The following MYOM3 variants were observed in gnomAD, a reference collection of about 807,000 sequenced individuals.
MYOM3 encodes the protein myomesin-3.
Under a neutral mutation model 191.7 loss-of-function variants are expected in MYOM3, and 155 were observed. That is an observed-to-expected ratio of 0.81 (90% CI 0.71 to 0.92). The LOEUF is 0.92. Among genes scored for constraint, MYOM3 ranks in the 40% least tolerant of loss-of-function variants. The pLI, the probability that MYOM3 is intolerant of heterozygous loss-of-function variation, is 0.00. For synonymous variants in MYOM3, 757 were observed against 762.9 expected (o/e 0.99, Z 0.13); for missense variants, 1,889 against 1,890.6 (o/e 1.00, Z 0.02).
intron 24 of MYOM3, 112 bp from the exon 25 acceptor site, chr1:24,071,365 G>A: frequency 2.4e-6 from 3 of 1,257,990 alleles, no homozygotes; most frequent in Non-Finnish European, 2.2e-6. Flanking sequence ...AACCTTTAGA[G>A]AACCTGAAGG....
At chr1:24,081,557 G>T in intron 18 of MYOM3, 101 bp from the exon 19 acceptor site, 1 of 1,381,612 alleles carries the variant, frequency 7.2e-7, no homozygotes, top group Non-Finnish European at 9.9e-7. Context: ...GTCTGTGGGG[G>T]CTTTGCTTTT....
At chr1:24,061,614 C>G (rs554796707) in intron 33 of MYOM3, among the ~76,000 whole-genome samples, 3 of 152,196 alleles carry the variant, frequency 2.0e-5, no homozygotes, top group South Asian at 2.1e-4. Flanking sequence ...GGGTCTCACT[C>G]TGTTGCCCAG....
At chr1:24,066,405 C>T (rs767643423) in intron 28 of MYOM3, 6 of 606,564 alleles carry the variant, frequency 9.9e-6, no homozygotes, top group Non-Finnish European at 1.5e-5. Context: ...ACGTTCAGTA[C>T]CGTGCAGAGT....
In MYOM3 at chr1:24,064,847, C is replaced by T. The variant is rs1286323512; in HGVS notation, c.3535-688G>A. Among the ~76,000 whole-genome samples, 4 of 152,178 alleles carry T rather than the reference C, an allele frequency of 2.6e-5. No homozygotes were observed. In the East Asian group the frequency reaches 5.8e-4, roughly 22 times the overall value. The stretch of plus-strand genomic sequence containing the variant: ...TTAACCTGAGGATTGAGGTGCTGAG[C>T]CCCAAAAGTCCTCTCTTATGTCCTC... On this transcript the variant is annotated intron_variant, in intron 29 of 36. Transcript: ENST00000374434.
chr1:24,062,132 G>GGTTAA (rs756109513), intron 32 of MYOM3, 23 bp from the exon 33 acceptor site: 5 of 1,611,858 alleles, frequency 3.1e-6, no homozygotes, highest in Non-Finnish European at 4.2e-6. Context: ...GTGGAGAAAT[G>GGTTAA]GTTAAGGCTG....
Position 24,087,358 on chromosome 1 carries a change from A to G in MYOM3, c.1615-531T>C, listed in dbSNP as rs1374189948. ...TTCCGTCTTGTCTCAAATGGCCATC[A>G]GGGGGATCCTTTTATAGCACGTGTC... On this transcript the variant is annotated intron_variant, in intron 14 of 36. Transcript: ENST00000374434. This position sits in a 1 kb window ranked among gnomAD's most constrained non-coding sequence, Gnocchi z 4.5. Among the ~76,000 whole-genome samples, 2 of 152,066 alleles carry G rather than the reference A, an allele frequency of 1.3e-5. No homozygotes were observed. Among genetic ancestry groups the G allele is most frequent in the South Asian group, 2.1e-4 (1 of 4,816 alleles).
At chr1:24,073,691 C>T (rs1643559428) in intron 23 of MYOM3, among the ~76,000 whole-genome samples, 1 of 151,838 alleles carries the variant, frequency 6.6e-6, no homozygotes, top group Non-Finnish European at 1.5e-5. Context: ...GGTGAAACCC[C>T]ATCTCTACTA....
intron 10 of MYOM3, 102 bp downstream of exon 10, chr1:24,092,845 C>A: frequency 3.3e-6 from 4 of 1,198,702 alleles, no homozygotes; most frequent in Non-Finnish European, 4.4e-6. Context: ...AAATTGAGGC[C>A]CCAAGAGAGC....
At chr1:24,109,876 C>A (rs1242814231) in intron 1 of MYOM3, among the ~76,000 whole-genome samples, 1 of 152,216 alleles carries the variant, frequency 6.6e-6, no homozygotes, top group East Asian at 1.9e-4. Flanking sequence ...GGCCACAGGG[C>A]CTTTCTCCTT....
intron 22 of MYOM3, among the ~76,000 whole-genome samples, chr1:24,074,906 G>A (rs889242466): frequency 3.9e-5 from 6 of 152,016 alleles, no homozygotes; most frequent in Admixed American, 1.3e-4. Flanking sequence ...ACAACATAGC[G>A]AGACCCCATC....
chr1:24,069,986 T>C (rs191069100), intron 25 of MYOM3, among the ~76,000 whole-genome samples: 1 of 152,278 alleles, frequency 6.6e-6, no homozygotes, highest in Admixed American at 6.5e-5. Context: ...AGTCATGAAT[T>C]TGAATCTCTC....
In MYOM3 at chr1:24,111,047, C is replaced by G. The variant is rs571705791; in HGVS notation, c.-19+984G>C. 6.6e-6 allele frequency among the ~76,000 whole-genome samples: 1 copy of G among 152,258 alleles called. No individual in the cohort carries two copies. The highest frequency in any genetic ancestry group is 1.5e-5 in the Non-Finnish European group (1 of 68,048). ...CTCGGGGCCTCCAGCAACCAGACCCCTGGCTTTAGCGGATGAGCTACCAAT... is the reference window on the plus strand; with the variant it reads ...CTCGGGGCCTCCAGCAACCAGACCCGTGGCTTTAGCGGATGAGCTACCAAT... On this transcript the variant is annotated intron_variant, in intron 1 of 36. Coordinates refer to ENST00000374434, the MANE Select transcript of MYOM3 (RefSeq NM_152372.4). This position sits in a 1 kb window ranked among gnomAD's most constrained non-coding sequence, Gnocchi z 4.7.
rs949744011 is a variant in MYOM3, at chr1:24,111,279, C to G, written c.-19+752G>C. Among the ~76,000 whole-genome samples the G allele has an allele frequency of 3.3e-5, 5 of 152,226 alleles. No individual in the cohort carries two copies. Among genetic ancestry groups the G allele is most frequent in the African/African-American group, 1.2e-4 (5 of 41,452 alleles). On this transcript the variant is annotated intron_variant, in intron 1 of 36. Coordinates refer to ENST00000374434, the MANE Select transcript of MYOM3 (RefSeq NM_152372.4). This position sits in a 1 kb window ranked among gnomAD's most constrained non-coding sequence, Gnocchi z 4.7. ...GGCCTTCCCTATTCCCCTCTGCTTTCCTCCCAAGCCTCCATCTGCCGAGGA... is the reference window on the plus strand; with the variant it reads ...GGCCTTCCCTATTCCCCTCTGCTTTGCTCCCAAGCCTCCATCTGCCGAGGA...
rs141196258 is a variant in MYOM3, at chr1:24,068,164, C to A, written c.3295+59G>T. 1.4e-4 allele frequency: 214 copies of A among 1,571,942 alleles called. 1 individual carries two copies. The East Asian group carries it at 4.7e-3, about 34-fold the overall frequency. ...CGAGGACTCAGGGCTGCAGGGCAGG[C>A]CAGGTGTGCGGGGCAGGGCGGGGCA... On this transcript the variant is annotated intron_variant, in intron 26 of 36. Transcript: ENST00000374434.
chr1:24,081,282 G>A, intron 19 of MYOM3, 48 bp downstream of exon 19: 1 of 1,607,926 alleles, frequency 6.2e-7, no homozygotes, highest in Non-Finnish European at 8.5e-7. Context: ...GTAGGTTTGG[G>A]AAGGAGGGAA....
chr1:24,103,946 T>A (rs759851357), intron 5 of MYOM3, among the ~76,000 whole-genome samples: 1 of 152,148 alleles, frequency 6.6e-6, no homozygotes, highest in Non-Finnish European at 1.5e-5. Flanking sequence ...TCCATCTCTC[T>A]GATTCTTTAA....
Position 24,092,931 on chromosome 1 carries a change from C to T in MYOM3, c.1090+16G>A, listed in dbSNP as rs768848790. Reference sequence around the variant, plus strand: ...CTGGGCTCCTGCTGCTACCCTGCGCCCACCCATGCCCTCACCTCTCACAAG... The same window carrying T: ...CTGGGCTCCTGCTGCTACCCTGCGCTCACCCATGCCCTCACCTCTCACAAG... On this transcript the variant is annotated intron_variant, in intron 10 of 36. Transcript: ENST00000374434. The T allele has an allele frequency of 1.1e-5, 17 of 1,521,032 alleles. No individual in the cohort carries two copies. The Admixed American group carries it at 3.7e-4, about 33-fold the overall frequency. 94.2% of individuals were successfully genotyped at this position (1,521,032 alleles called of 1,614,324 possible).
At chr1:24,097,217 C>T (rs1431198726) in intron 7 of MYOM3, among the ~76,000 whole-genome samples, 1 of 152,190 alleles carries the variant, frequency 6.6e-6, no homozygotes, top group African/African-American at 2.4e-5. Flanking sequence ...GAGGACCCCT[C>T]AGCAGGGTTG....
At position 24,063,207 on chromosome 1, in the gene MYOM3, TG is replaced by T; in HGVS notation, c.3688del (p.Gln1230ArgfsTer21). The T allele has an allele frequency of 6.2e-7, 1 of 1,613,978 alleles. No homozygotes were observed. Among genetic ancestry groups the T allele is most frequent in the Non-Finnish European group, 8.5e-7 (1 of 1,179,892 alleles). On this transcript the variant is annotated frameshift_variant, in exon 32 of 37. Transcript: ENST00000374434. LOFTEE classifies it high-confidence loss of function. This position sits in a 1 kb window ranked among gnomAD's most constrained non-coding sequence, Gnocchi z 4.5. Reference sequence around the variant, plus strand: ...GATCCGGATCCCTTCCTCGGTCCCCTGGATTTTCAGTGGAGTTGCAGAGAGG... The same window carrying T: ...GATCCGGATCCCTTCCTCGGTCCCCTGATTTTCAGTGGAGTTGCAGAGAGG... The part of the protein sequence containing the change: ...GALSATPLKI[Q>X]GTEEGIRIFS...
Sources: gnomAD v4.1 joint callset for allele counts (sites outside exome capture counted in the v4.1 genomes callset) on GRCh38, gnomAD v4.1.1 for gene constraint, Gnocchi (gnomAD v3.1) non-coding constraint, MANE v1.5 for transcripts, NCBI Gene and HGNC (gene_info 2026-07-23, HGNC 2026-07-21) for gene names.